XRCC3: variants seen among roughly 807,000 people sequenced by gnomAD.
The protein encoded by XRCC3 is DNA repair protein XRCC3.
XRCC3 carries 34 observed loss-of-function variants against 29.2 expected under a neutral mutation model. That is an observed-to-expected ratio of 1.16 (90% CI 0.88 to 1.55). XRCC3 has a LOEUF of 1.55. XRCC3 is among the 40% of genes most tolerant of loss of function. The probability of loss-of-function intolerance (pLI) is 0.00; values close to 1 mark genes in which losing one functional copy is unlikely to be tolerated. For missense variants in XRCC3, 463 were observed against 467.6 expected (o/e 0.99, Z 0.09); for synonymous variants, 223 against 211.3 (o/e 1.06, Z -0.48).
At chr14:103,708,457 C>T (rs2083516534) in intron 5 of XRCC3, 65 bp downstream of exon 5, 7 of 1,608,556 alleles carry the variant, frequency 4.4e-6, no homozygotes, top group East Asian at 2.2e-5. Flanking sequence ...CCCTGCCCTG[C>T]ACCACTGGGA....
chr14:103,700,792 C>G, intron 7 of XRCC3: 5 of 1,323,834 alleles, frequency 3.8e-6, no homozygotes, highest in Non-Finnish European at 4.1e-6. Context: ...TTTGCACATG[C>G]AGGGACTGGG....
At chr14:103,705,916 C>T (rs3212064) in intron 6 of XRCC3, 5 of 189,698 alleles carry the variant, frequency 2.6e-5, no homozygotes, top group South Asian at 9.6e-5. Context: ...CTCTTCCGTG[C>T]GGTAAGCGGG....
Position 103,706,968 on chromosome 14 carries a change from C to G in XRCC3, c.406+35G>C, listed in dbSNP as rs111750986. Reference sequence around the variant, plus strand: ...TCCCACACAAAGCAGGGGCCGCCCACCTGCCCAGACCCCACGGAAGGGGTG... The same window carrying G: ...TCCCACACAAAGCAGGGGCCGCCCAGCTGCCCAGACCCCACGGAAGGGGTG... On this transcript the variant is annotated intron_variant, in intron 6 of 9. Transcript: ENST00000555055. The G allele has an allele frequency of 6.5e-5, 100 of 1,535,926 alleles. 1 individual carries two copies. In the African/African-American group the frequency reaches 8.5e-4, roughly 13 times the overall value.
chr14:103,700,284 C>T (rs1212759114), intron 7 of XRCC3: 1 of 236,526 alleles, frequency 4.2e-6, no homozygotes, highest in Non-Finnish European at 8.3e-6. Flanking sequence ...CTGTGCCCAC[C>T]AGCTCCCAGG....
intron 7 of XRCC3, chr14:103,701,135 G>A: frequency 6.5e-7 from 1 of 1,542,396 alleles, no homozygotes; most frequent in Non-Finnish European, 8.8e-7. Context: ...GCTGTTTCCA[G>A]AACAGAACTT....
chr14:103,708,103 C>T (rs759144325), intron 5 of XRCC3: 162 of 330,312 alleles, frequency 4.9e-4, no homozygotes, highest in Non-Finnish European at 8.1e-4. Context: ...TCCGTCCAGG[C>T]GCATGGGGTT....
At chr14:103,710,852 G>GC (rs1567062117) in intron 4 of XRCC3, 181 bp downstream of exon 4, 34 of 378,002 alleles carry the variant, frequency 9.0e-5, no homozygotes, top group African/African-American at 2.1e-4. Context: ...ATGTAGTTAA[G>GC]AACACACACA....
chr14:103,703,511 G>A (rs2083315504), intron 6 of XRCC3, 184 bp from the exon 7 acceptor site: 5 of 695,766 alleles, frequency 7.2e-6, no homozygotes, highest in South Asian at 1.7e-5. Flanking sequence ...GCCACCTCCG[G>A]GGCCAGGTGA....
In XRCC3 at chr14:103,711,212, C is replaced by T. The variant is rs2083614333; in HGVS notation, c.-125G>A. 2.0e-6 allele frequency: 2 copies of T among 1,011,330 alleles called. No individual in the cohort carries two copies. The highest frequency in any genetic ancestry group is 3.2e-5 in the African/African-American group (2 of 62,718). The allele number at this position is 1,011,330 out of a possible 1,614,324, so 62.6% of individuals were successfully genotyped here. A position where few individuals can be genotyped will look rare whatever the true frequency, so the allele number is the denominator to read the frequency against. ...GAGGCCCGAACCAGGGAAGTGACAG[C>T]AGCCGAGGTGTCCGTGTCATCGGGG... On this transcript the variant is annotated 5_prime_UTR_variant, in exon 4 of 10. Coordinates refer to ENST00000555055, the MANE Select transcript of XRCC3 (RefSeq NM_005432.4).
At chr14:103,700,773 G>A (rs2083122814) in intron 7 of XRCC3, 2 of 1,467,526 alleles carry the variant, frequency 1.4e-6, no homozygotes, top group Non-Finnish European at 1.9e-6. Context: ...AGCTGGGCCA[G>A]GGAGGGACTT....
rs2083521797 is a variant in XRCC3 at position 103,708,555 on chromosome 14, A to G, written c.160T>C (p.Ser54Pro). ...PEVWHLLRTASLHLRGSSILT... is the reference protein window; with the variant it reads ...PEVWHLLRTAPLHLRGSSILT... ...ATGCTGCTTCCCCGCAAGTGTAAGG[A>G]GGCCGTTCTCAGCAAGTGCCAGACC... Residue 54 changes from serine to proline, a missense_variant, in exon 5 of 10, where the codon TCC becomes CCC. Physicochemically the swap from Ser to Pro is moderately conservative, Grantham distance 74. Coordinates refer to ENST00000555055, the MANE Select transcript of XRCC3 (RefSeq NM_005432.4). The G allele has an allele frequency of 6.2e-7, 1 of 1,614,130 alleles. No homozygotes were observed. Among genetic ancestry groups the G allele is most frequent in the Non-Finnish European group, 8.5e-7 (1 of 1,180,012 alleles).
chr14:103,707,168 G>A lies in XRCC3; in HGVS notation c.241C>T (p.Arg81Cys), dbSNP rs1297812518. The change falls in exon 6 of 10, where the codon CGC becomes TGC. Residue 81 changes from arginine (R) to cysteine (C), a missense_variant. Arg to Cys is a radical substitution (Grantham distance 180). Transcript: ENST00000555055. Reference sequence around the variant, plus strand: ...AGCACCGGGCAGCCCAGGCTCAGGCGCTGGTGCTGCGTGGGGAACCGCTCC... The same window carrying A: ...AGCACCGGGCAGCCCAGGCTCAGGCACTGGTGCTGCGTGGGGAACCGCTCC... ...QKERFPTQHQ[R>C]LSLGCPVLDA... 8 of 1,549,354 alleles carry A rather than the reference G, an allele frequency of 5.2e-6. No homozygotes were observed. Among genetic ancestry groups the A allele is most frequent in the African/African-American group, 1.4e-5 (1 of 73,032 alleles).
intron 5 of XRCC3, 188 bp downstream of exon 5, chr14:103,708,334 A>T: frequency 1.2e-6 from 1 of 845,818 alleles, no homozygotes; most frequent in Non-Finnish European, 1.9e-6. Context: ...GCATCTTCTG[A>T]CCCGATGCTG....
intron 5 of XRCC3, 179 bp downstream of exon 5, chr14:103,708,343 T>C (rs1003023608): frequency 1.1e-6 from 1 of 923,586 alleles, no homozygotes; most frequent in Non-Finnish European, 1.7e-6. Context: ...GACCCGATGC[T>C]GTGACCACAG....
chr14:103,700,725 A>G, intron 7 of XRCC3: 1 of 1,597,772 alleles, frequency 6.3e-7, no homozygotes, highest in Non-Finnish European at 8.5e-7. Flanking sequence ...CGCCACCGCT[A>G]ACGTGAGTCC....
chr14:103,711,458 C>A lies in XRCC3; in HGVS notation c.-159+8G>T. 2.0e-6 allele frequency: 1 copy of A among 493,340 alleles called. No homozygotes were observed. The allele number at this position is 493,340 out of a possible 1,614,324, so 30.6% of individuals were successfully genotyped here. ...TCCTGCAGCAGTTGAGTGCCCTGCC[C>A]GACTCACCTCTCTGGGGCTTGGGGA... On this transcript the variant is annotated splice_region_variant and intron_variant, in intron 3 of 9. Coordinates refer to ENST00000555055, the MANE Select transcript of XRCC3 (RefSeq NM_005432.4).
At chr14:103,709,082 T>C (rs915046441) in intron 4 of XRCC3, 4 of 349,442 alleles carry the variant, frequency 1.1e-5, no homozygotes, top group South Asian at 6.6e-5. Flanking sequence ...CCACCAGGCA[T>C]GGATCTGGGC....
intron 5 of XRCC3, 198 bp from the exon 6 acceptor site, chr14:103,707,413 G>T: frequency 1.5e-6 from 1 of 663,698 alleles, no homozygotes; most frequent in East Asian, 2.7e-5. Context: ...CTGAGATGCA[G>T]AGTCAGGGGG....
At chr14:103,699,853 C>T (rs1276409290) in intron 7 of XRCC3, 5 of 502,936 alleles carry the variant, frequency 9.9e-6, no homozygotes, top group East Asian at 7.4e-5. Context: ...GTGCCAACAC[C>T]GTCCTCTGTA....
Sources: allele counts gnomAD v4.1 joint callset, GRCh38; gene constraint gnomAD v4.1.1; transcripts MANE v1.5; gene names NCBI Gene and HGNC (gene_info 2026-07-23, HGNC 2026-07-21).